The following UBFD1 variants were observed in gnomAD, a reference collection of about 807,000 sequenced individuals.
UBFD1 encodes ubiquitin family domain containing 1.
UBFD1 carries 12 observed loss-of-function variants against 35.1 expected under a neutral mutation model. That is an observed-to-expected ratio of 0.34 (90% confidence interval 0.22 to 0.55). The LOEUF (loss-of-function observed/expected upper bound fraction) is 0.55. UBFD1 is among the 20% of genes least tolerant of loss of function. The probability of loss-of-function intolerance (pLI) is 0.89; values close to 1 mark genes in which losing one functional copy is unlikely to be tolerated. For synonymous variants in UBFD1, 178 were observed against 167.6 expected (o/e 1.06, Z -0.48); for missense variants, 337 against 410.8 (o/e 0.82, Z 1.55).
chr16:23,563,380 G>A (rs946956750), intron 5 of UBFD1, among the ~76,000 whole-genome samples: 21 of 151,996 alleles, frequency 1.4e-4, no homozygotes, highest in Admixed American at 1.1e-3. Context: ...TGTGCACGGT[G>A]TCTGGATCAG....
At chr16:23,569,106 C>T (rs993356168) in intron 6 of UBFD1, 1 of 152,208 alleles carries the variant, frequency 6.6e-6, no homozygotes, top group Admixed American at 6.5e-5. Context: ...TAGTAGTCCC[C>T]TTCTCTTTTC....
intron 5 of UBFD1, 89 bp downstream of exon 5, chr16:23,562,819 T>G: frequency 1.8e-6 from 2 of 1,089,856 alleles, no homozygotes; most frequent in Non-Finnish European, 2.8e-6. Flanking sequence ...TCACCCCTCC[T>G]TCTGAAACCT....
At chr16:23,562,378 T>C (rs1436774550) in intron 4 of UBFD1, 107 bp downstream of exon 4, 1 of 1,134,136 alleles carries the variant, frequency 8.8e-7, no homozygotes, top group Non-Finnish European at 1.2e-6. Context: ...TTTTTTTTTT[T>C]TGAGACAGAG....
In UBFD1 at chr16:23,572,096, T is replaced by A. The variant is rs1174556650; in HGVS notation, c.*1506T>A. On this transcript the variant is annotated 3_prime_UTR_variant, in exon 7 of 7. Coordinates refer to ENST00000395878, the MANE Select transcript of UBFD1 (RefSeq NM_019116.3). ...AAGATGACTATTCCTTGTGAGCCAG[T>A]TAATGATGATATTCTACGCCCTTCC... The A allele has an allele frequency of 6.6e-6, 1 of 152,654 alleles. No individual in the cohort carries two copies. The highest frequency in any genetic ancestry group is 1.5e-5 in the Non-Finnish European group (1 of 68,044). 9.5% of individuals were successfully genotyped at this position (152,654 alleles called of 1,614,324 possible). A position where few individuals can be genotyped will look rare whatever the true frequency, so the allele number is the denominator to read the frequency against.
chr16:23,559,776 C>T, intron 3 of UBFD1, 100 bp downstream of exon 3: 1 of 1,561,696 alleles, frequency 6.4e-7, no homozygotes. Flanking sequence ...CCTTTTTGGA[C>T]AGGGCCCATG....
chr16:23,563,121 TGGCCCTTTGG>T (rs1288991692), intron 5 of UBFD1, among the ~76,000 whole-genome samples: 1 of 151,930 alleles, frequency 6.6e-6, no homozygotes, highest in African/African-American at 2.4e-5. Context: ...TCAAATGATC[TGGCCCTTTGG>T]GGCCTGCATT....
intron 5 of UBFD1, among the ~76,000 whole-genome samples, 181 bp downstream of exon 5, chr16:23,562,911 A>T (rs1965958578): frequency 6.6e-6 from 1 of 151,886 alleles, no homozygotes. Context: ...GTTTTCCCTC[A>T]TTGTTTTCAG....
intron 5 of UBFD1, chr16:23,564,746 G>C (rs976724938): frequency 1.3e-5 from 2 of 152,224 alleles, no homozygotes; most frequent in Admixed American, 6.5e-5. Flanking sequence ...AGTGCTCATT[G>C]GTTCCTTGGG....
rs1966071679 is a variant in UBFD1, at chr16:23,570,716, G to A, written c.*126G>A. ...CATAAAAAATCTATATTCAATCTGA[G>A]GTGATGTGGTGACTGAAGCCAGAGG... On this transcript the variant is annotated 3_prime_UTR_variant, in exon 7 of 7. Transcript: ENST00000395878. 1 of 693,742 alleles carries A rather than the reference G, an allele frequency of 1.4e-6. No homozygotes were observed. Among genetic ancestry groups the A allele is most frequent in the African/African-American group, 1.8e-5 (1 of 55,154 alleles). 43.0% of individuals were successfully genotyped at this position (693,742 alleles called of 1,614,324 possible).
Position 23,570,471 on chromosome 16 carries a change from C to A in UBFD1, c.820-9C>A. On this transcript the variant is annotated splice_polypyrimidine_tract_variant and intron_variant, in intron 6 of 6. Coordinates refer to ENST00000395878, the MANE Select transcript of UBFD1 (RefSeq NM_019116.3). ...GAAGTACCGCTTGGTTTTCCTTTTT[C>A]CCTTCCAGGCGTTTCAGTTGGGCCC... The A allele has an allele frequency of 6.2e-7, 1 of 1,611,546 alleles. No homozygotes were observed. The highest frequency in any genetic ancestry group is 8.5e-7 in the Non-Finnish European group (1 of 1,178,398).
At chr16:23,567,538 G>T (rs1265539218) in intron 6 of UBFD1, among the ~76,000 whole-genome samples, 2 of 152,192 alleles carry the variant, frequency 1.3e-5, no homozygotes, top group Non-Finnish European at 2.9e-5. Flanking sequence ...AGGGCCTCGT[G>T]GGGAAGACGG....
rs1380454199 is a variant in UBFD1 at position 23,562,514 on chromosome 16, C to T, written c.631-111C>T. ...AACTCCTGACCTCAGGTGATCTGAC[C>T]GCTTTGGCCTCCCAGTGTGCTGGGA... On this transcript the variant is annotated intron_variant, in intron 4 of 6. Coordinates refer to ENST00000395878, the MANE Select transcript of UBFD1 (RefSeq NM_019116.3). The T allele has an allele frequency of 1.8e-5, 18 of 999,530 alleles. 1 individual carries two copies. Among genetic ancestry groups the T allele is most frequent in the Non-Finnish European group, 2.2e-5 (15 of 673,892 alleles). 61.9% of individuals were successfully genotyped at this position (999,530 alleles called of 1,614,324 possible). A position where few individuals can be genotyped will look rare whatever the true frequency, so the allele number is the denominator to read the frequency against.
chr16:23,562,842 T>G lies in UBFD1; in HGVS notation c.736+112T>G. On this transcript the variant is annotated intron_variant, in intron 5 of 6. Coordinates refer to ENST00000395878, the MANE Select transcript of UBFD1 (RefSeq NM_019116.3). ...CCTTCTGAAACCTCTCTCTCCACTG[T>G]GCTTTGCTTGCTTCTGGCTTTTAAA... 3 of 889,804 alleles carry G rather than the reference T, an allele frequency of 3.4e-6. No individual in the cohort carries two copies. The East Asian group carries it at 7.7e-5, about 23-fold the overall frequency. The allele number at this position is 889,804 out of a possible 1,614,324, so 55.1% of individuals were successfully genotyped here.
intron 2 of UBFD1, among the ~76,000 whole-genome samples, chr16:23,558,838 T>C (rs1272183490): frequency 6.6e-6 from 1 of 151,518 alleles, no homozygotes; most frequent in Admixed American, 6.6e-5. Flanking sequence ...TGGAGTGTAC[T>C]GGCACCATCT....
At chr16:23,566,768 C>G (rs1468578645) in intron 5 of UBFD1, 12 of 497,424 alleles carry the variant, frequency 2.4e-5, no homozygotes, top group Non-Finnish European at 3.6e-5. Flanking sequence ...ATTGCCAAAC[C>G]CAGTTTCCCA....
In UBFD1 at chr16:23,571,170, T is replaced by C. The variant is rs1180608022; in HGVS notation, c.*580T>C. ...CGCTTCCTCAATTTGAGTTTTTGTT[T>C]TAAGAACCCAAAGATGTCAGTTCTT... On this transcript the variant is annotated 3_prime_UTR_variant, in exon 7 of 7. Transcript: ENST00000395878. 2 of 152,660 alleles carry C rather than the reference T, an allele frequency of 1.3e-5. No individual in the cohort carries two copies. The highest frequency in any genetic ancestry group is 2.9e-5 in the Non-Finnish European group (2 of 68,056). 9.5% of individuals were successfully genotyped at this position (152,660 alleles called of 1,614,324 possible).
Position 23,572,546 on chromosome 16 carries a change from C to T in UBFD1, c.*1956C>T, listed in dbSNP as rs917779000. 3 of 153,334 alleles carry T rather than the reference C, an allele frequency of 2.0e-5. No homozygotes were observed. The highest frequency in any genetic ancestry group is 7.2e-5 in the African/African-American group (3 of 41,436). The allele number at this position is 153,334 out of a possible 1,614,324, so 9.5% of individuals were successfully genotyped here. A position where few individuals can be genotyped will look rare whatever the true frequency, so the allele number is the denominator to read the frequency against. ...GATCTCTCAGAGCAGGTGGCTCCATCCCCAGACTAGCCTGGCTGCTCTCCG... is the reference window on the plus strand; with the variant it reads ...GATCTCTCAGAGCAGGTGGCTCCATTCCCAGACTAGCCTGGCTGCTCTCCG... On this transcript the variant is annotated 3_prime_UTR_variant, in exon 7 of 7. Coordinates refer to ENST00000395878, the MANE Select transcript of UBFD1 (RefSeq NM_019116.3).
intron 3 of UBFD1, among the ~76,000 whole-genome samples, chr16:23,560,311 AGT>A (rs372168878): frequency 3.3e-5 from 5 of 152,300 alleles, no homozygotes; most frequent in African/African-American, 9.6e-5. Flanking sequence ...AACGAGGAAA[AGT>A]GAGATTATTT....
chr16:23,563,505 G>T (rs1488637127), intron 5 of UBFD1, among the ~76,000 whole-genome samples: 4 of 152,100 alleles, frequency 2.6e-5, no homozygotes, highest in Admixed American at 2.6e-4. Context: ...TTGCCACACT[G>T]TTGTGCCAGT....
Sources: gnomAD v4.1 joint callset for allele counts (sites outside exome capture counted in the v4.1 genomes callset) on GRCh38, gnomAD v4.1.1 for gene constraint, MANE v1.5 for transcripts, NCBI Gene and HGNC (gene_info 2026-07-23, HGNC 2026-07-21) for gene names.